CACNA1E: variants seen among roughly 807,000 people sequenced by gnomAD.
CACNA1E encodes calcium voltage-gated channel subunit alpha1 E.
CACNA1E carries 40 observed loss-of-function variants against 259.2 expected under a neutral mutation model. That is an observed-to-expected ratio of 0.15 (90% CI 0.12 to 0.20). The LOEUF is 0.20. CACNA1E is among the 10% of genes least tolerant of loss of function. The probability of loss-of-function intolerance (pLI) is 1.00; values close to 1 mark genes in which losing one functional copy is unlikely to be tolerated. For synonymous variants in CACNA1E, 1,104 were observed against 1,138.5 expected, an observed-to-expected ratio of 0.97 and a Z score of 0.61; for missense variants, 1,874 against 3,040.1, an observed-to-expected ratio of 0.62 and a Z score of 9.02.
chr1:181,743,840 T>C (rs934463041), intron 25 of CACNA1E, among the ~76,000 whole-genome samples: 2 of 152,222 alleles, frequency 1.3e-5, no homozygotes, highest in African/African-American at 4.8e-5. Context: ...TTATAATTGA[T>C]CGTCAGCACA....
chr1:181,701,325 G>C (rs1558282204), intron 7 of CACNA1E, among the ~76,000 whole-genome samples: 1 of 152,320 alleles, frequency 6.6e-6, no homozygotes, highest in East Asian at 1.9e-4. Flanking sequence ...GAAGAACACA[G>C]CCATTTGTTC....
chr1:181,603,373 A>G (rs1476874490), intron 6 of CACNA1E, among the ~76,000 whole-genome samples: 1 of 152,056 alleles, frequency 6.6e-6, no homozygotes, highest in Admixed American at 6.5e-5. Flanking sequence ...AACCATCTCA[A>G]AAGAAGTGTT....
intron 2 of CACNA1E, among the ~76,000 whole-genome samples, chr1:181,459,166 TGG>T (rs1661649132): frequency 6.6e-6 from 1 of 152,222 alleles, no homozygotes; most frequent in African/African-American, 2.4e-5. Context: ...GCAACCACTA[TGG>T]GAGGATGGGG....
intron 6 of CACNA1E, among the ~76,000 whole-genome samples, chr1:181,647,359 G>GTGCAA (rs1658368715): frequency 6.6e-6 from 1 of 152,142 alleles, no homozygotes; most frequent in South Asian, 2.1e-4. Flanking sequence ...GGAAAATAGA[G>GTGCAA]TGCAAGTCTT....
chr1:181,463,647 T>C (rs1661961645), intron 2 of CACNA1E, among the ~76,000 whole-genome samples: 1 of 152,154 alleles, frequency 6.6e-6, no homozygotes, highest in African/African-American at 2.4e-5. Context: ...CCTCTGCCCA[T>C]ATTTCTATGA....
intron 1 of CACNA1E, among the ~76,000 whole-genome samples, chr1:181,373,723 G>T (rs1654879348): frequency 6.6e-6 from 1 of 152,038 alleles, no homozygotes; most frequent in Non-Finnish European, 1.5e-5. Flanking sequence ...ATTTTTAGTA[G>T]AGACGGGGTT....
chr1:181,365,075 G>T (rs530550946), intron 1 of CACNA1E, among the ~76,000 whole-genome samples: 1 of 152,338 alleles, frequency 6.6e-6, no homozygotes, highest in African/African-American at 2.4e-5. Context: ...ACGTGCTTTG[G>T]GAGGTAGTGC....
At chr1:181,380,431 C>T (rs1557956223) in intron 1 of CACNA1E, among the ~76,000 whole-genome samples, 1 of 152,110 alleles carries the variant, frequency 6.6e-6, no homozygotes, top group Non-Finnish European at 1.5e-5. Flanking sequence ...AAATCAATTA[C>T]ATAGAAAACA....
chr1:181,733,037 G>A lies in CACNA1E; in HGVS notation c.2948+3G>A, dbSNP rs1471181442. 7 of 1,589,594 alleles carry A rather than the reference G, an allele frequency of 4.4e-6. No individual in the cohort carries two copies. Among genetic ancestry groups the A allele is most frequent in the South Asian group, 3.4e-5 (3 of 87,432 alleles). ...GAGAGAGCCCAGGATTTAAGGAGGTGAGTGAGTCACAGGGCTCCCAGATGG... is the reference window on the plus strand; with the variant it reads ...GAGAGAGCCCAGGATTTAAGGAGGTAAGTGAGTCACAGGGCTCCCAGATGG... On this transcript the variant is annotated splice_donor_region_variant and intron_variant, in intron 20 of 47. Coordinates refer to ENST00000367573, the MANE Select transcript of CACNA1E (RefSeq NM_001205293.3).
intron 37 of CACNA1E, among the ~76,000 whole-genome samples, chr1:181,773,113 T>C (rs778377403): frequency 2.6e-5 from 4 of 152,264 alleles, no homozygotes; most frequent in Admixed American, 1.3e-4. Flanking sequence ...GTCAATTTCA[T>C]GGCCATGCAT....
intron 2 of CACNA1E, among the ~76,000 whole-genome samples, chr1:181,425,575 A>G (rs1287444881): frequency 8.2e-6 from 1 of 121,390 alleles, no homozygotes; most frequent in Non-Finnish European, 1.6e-5. Context: ...ATAGAATTCC[A>G]GGCACCGATG....
chr1:181,443,101 G>T (rs1332054669), intron 2 of CACNA1E, among the ~76,000 whole-genome samples: 1 of 152,218 alleles, frequency 6.6e-6, no homozygotes, highest in African/African-American at 2.4e-5. Context: ...GCTTTGCAAA[G>T]TGTGTAAGTT....
At chr1:181,538,675 A>AT (rs927608465) in intron 3 of CACNA1E, among the ~76,000 whole-genome samples, 89 of 152,158 alleles carry the variant, frequency 5.8e-4, no homozygotes, top group Non-Finnish European at 1.1e-3. Context: ...GAAAAAAAAA[A>AT]CACAGAGAGG....
At position 181,355,516 on chromosome 1, in the gene CACNA1E, A is replaced by T. The variant is rs562363932; in HGVS notation, c.-15+37393A>T. 4.9e-4 allele frequency among the ~76,000 whole-genome samples: 75 copies of T among 152,216 alleles called. 1 individual carries two copies. Among genetic ancestry groups the T allele is most frequent in the South Asian group, 2.3e-3 (11 of 4,814 alleles). ...GGCAGGAGAATCACTTGAACCCGGG[A>T]TGGGGAGTTTGCAGTGAGCCGAAAT... On this transcript the variant is annotated intron_variant, in intron 1 of 11. Coordinates refer to the CACNA1E transcript ENST00000524607.
intron 7 of CACNA1E, among the ~76,000 whole-genome samples, chr1:181,665,956 T>C (rs1334980797): frequency 6.6e-6 from 1 of 152,118 alleles, no homozygotes; most frequent in African/African-American, 2.4e-5. Flanking sequence ...ATTCTTTCTA[T>C]ATTCTCTGGT....
intron 2 of CACNA1E, among the ~76,000 whole-genome samples, chr1:181,454,072 G>A (rs1661314637): frequency 6.6e-6 from 1 of 152,194 alleles, no homozygotes; most frequent in East Asian, 1.9e-4. Flanking sequence ...GGGAGAGCGT[G>A]CAGGGAAAGA....
chr1:181,721,133 G>A (rs1256282252), intron 15 of CACNA1E, among the ~76,000 whole-genome samples: 1 of 152,136 alleles, frequency 6.6e-6, no homozygotes, highest in Non-Finnish European at 1.5e-5. Flanking sequence ...GAGGCATTCA[G>A]CCAAGAATCA....
At chr1:181,590,473 C>T (rs1169331461) in intron 6 of CACNA1E, among the ~76,000 whole-genome samples, 1 of 150,090 alleles carries the variant, frequency 6.7e-6, no homozygotes, top group Non-Finnish European at 1.5e-5. Flanking sequence ...GGTTTATCAT[C>T]TGCACTGGAA....
At chr1:181,642,159 T>G (rs1284968660) in intron 6 of CACNA1E, among the ~76,000 whole-genome samples, 1 of 152,154 alleles carries the variant, frequency 6.6e-6, no homozygotes, top group East Asian at 1.9e-4. Flanking sequence ...CCGTACCCAA[T>G]AAGTGGAGTA....
Sources: gnomAD v4.1 joint callset for allele counts (sites outside exome capture counted in the v4.1 genomes callset) on GRCh38, gnomAD v4.1.1 for gene constraint, MANE v1.5 for transcripts, NCBI Gene and HGNC (gene_info 2026-07-23, HGNC 2026-07-21) for gene names.